Variants in CCSER1 observed in about 807,000 individuals in gnomAD.
CCSER1 encodes coiled-coil serine rich protein 1.
Under a neutral mutation model 82.0 loss-of-function variants are expected in CCSER1, and 41 were observed. The ratio of observed to expected loss-of-function variants is 0.50; its 90% CI spans 0.39 to 0.65. CCSER1 has a LOEUF of 0.65. Ranked by LOEUF, CCSER1 falls within the 30% of genes least tolerant of loss-of-function variation. The probability of loss-of-function intolerance (pLI) is 0.00; values close to 1 mark genes in which losing one functional copy is unlikely to be tolerated. For synonymous variants in CCSER1, 414 were observed against 383.9 expected (o/e 1.08, Z -0.92); for missense variants, 1,119 against 1,064.2 (o/e 1.05, Z -0.72).
intron 8 of CCSER1, among the ~76,000 whole-genome samples, chr4:90,880,140 G>A (rs932482127): frequency 2.0e-5 from 3 of 152,266 alleles, no homozygotes; most frequent in African/African-American, 2.4e-5. Flanking sequence ...CTCTCTGAAA[G>A]TGTGGGTTCC....
intron 1 of CCSER1, among the ~76,000 whole-genome samples, chr4:90,168,119 T>C (rs1222144478): frequency 3.9e-5 from 6 of 152,146 alleles, no homozygotes; most frequent in Admixed American, 6.6e-5. Context: ...TATTTCTCCA[T>C]ATCCTTTCCA....
At chr4:90,758,058 C>A (rs1282745523) in intron 7 of CCSER1, among the ~76,000 whole-genome samples, 7 of 152,100 alleles carry the variant, frequency 4.6e-5, no homozygotes, top group African/African-American at 1.4e-4. Context: ...CCTGCCTCAG[C>A]CTCCCGAGTA....
intron 5 of CCSER1, among the ~76,000 whole-genome samples, chr4:90,615,619 C>A (rs1458423418): frequency 1.3e-5 from 2 of 151,582 alleles, no homozygotes; most frequent in South Asian, 2.1e-4. Context: ...GAATATGTAA[C>A]TGAATTGCTG....
At chr4:91,020,378 C>T (rs1040378268) in intron 9 of CCSER1, among the ~76,000 whole-genome samples, 2 of 152,066 alleles carry the variant, frequency 1.3e-5, no homozygotes, top group Non-Finnish European at 2.9e-5. Context: ...AAGTACATAC[C>T]TTGGCCGGGT....
At chr4:90,321,493 C>CGAA (rs1737151169) in intron 3 of CCSER1, among the ~76,000 whole-genome samples, 36 of 152,070 alleles carry the variant, frequency 2.4e-4, no homozygotes, top group Admixed American at 2.4e-3. Context: ...ATTGCATGTC[C>CGAA]TGGCTATTGT....
At chr4:90,152,823 A>G (rs2153352929) in intron 1 of CCSER1, among the ~76,000 whole-genome samples, 1 of 151,638 alleles carries the variant, frequency 6.6e-6, no homozygotes, top group East Asian at 1.9e-4. Flanking sequence ...GCAGTAGACC[A>G]GCATGCTCAG....
At chr4:90,151,311 G>A (rs995851296) in intron 1 of CCSER1, among the ~76,000 whole-genome samples, 2 of 151,940 alleles carry the variant, frequency 1.3e-5, no homozygotes, top group Admixed American at 6.6e-5. Flanking sequence ...TGAACATAAT[G>A]ATATATGGTT....
chr4:90,450,595 C>T (rs1278285330), intron 4 of CCSER1, among the ~76,000 whole-genome samples: 4 of 152,182 alleles, frequency 2.6e-5, no homozygotes, highest in African/African-American at 4.8e-5. Context: ...TTCGGGTGCT[C>T]TCTTGGGTCA....
chr4:91,391,491 G>A (rs138754281), intron 10 of CCSER1, among the ~76,000 whole-genome samples: 2 of 152,070 alleles, frequency 1.3e-5, no homozygotes, highest in Non-Finnish European at 2.9e-5. Context: ...TGTACAGATG[G>A]TGTGTCCCTA....
At chr4:91,143,143 T>C (rs983981469) in intron 10 of CCSER1, among the ~76,000 whole-genome samples, 2 of 152,170 alleles carry the variant, frequency 1.3e-5, no homozygotes, top group Admixed American at 6.5e-5. Flanking sequence ...GTTTATGTCA[T>C]CACTGATCTC....
At chr4:91,520,865 T>C (rs1208624959) in intron 10 of CCSER1, among the ~76,000 whole-genome samples, 1 of 152,206 alleles carries the variant, frequency 6.6e-6, no homozygotes, top group Admixed American at 6.5e-5. Flanking sequence ...AATACTGCTC[T>C]AAGTTCATTT....
intron 8 of CCSER1, among the ~76,000 whole-genome samples, chr4:90,919,312 T>C (rs532041557): frequency 6.6e-6 from 1 of 152,016 alleles, no homozygotes; most frequent in Admixed American, 6.6e-5. Context: ...GATACTGTAC[T>C]AGGGTCTAGA....
intron 9 of CCSER1, among the ~76,000 whole-genome samples, chr4:91,016,701 C>T (rs1388803411): frequency 2.0e-5 from 3 of 152,052 alleles, no homozygotes; most frequent in African/African-American, 7.2e-5. Flanking sequence ...AATTTCTGCT[C>T]AAATACATAA....
At chr4:91,243,515 T>C (rs1455059715) in intron 10 of CCSER1, among the ~76,000 whole-genome samples, 2 of 152,180 alleles carry the variant, frequency 1.3e-5, no homozygotes, top group African/African-American at 4.8e-5. Context: ...TCATTCCTTC[T>C]GATTAAGGAG....
At chr4:90,326,746 G>T (rs528375427) in intron 3 of CCSER1, among the ~76,000 whole-genome samples, 30 of 152,214 alleles carry the variant, frequency 2.0e-4, no homozygotes, top group African/African-American at 7.2e-4. Flanking sequence ...GGTGCAGTAG[G>T]GGGTGGTCTG....
intron 10 of CCSER1, among the ~76,000 whole-genome samples, chr4:91,455,326 C>A (rs1756095808): frequency 6.6e-6 from 1 of 152,028 alleles, no homozygotes; most frequent in Non-Finnish European, 1.5e-5. Context: ...CTCAAAAATT[C>A]ATATTTTTGG....
chr4:91,233,535 T>A (rs1253771238), intron 10 of CCSER1, among the ~76,000 whole-genome samples: 1 of 151,948 alleles, frequency 6.6e-6, no homozygotes, highest in Non-Finnish European at 1.5e-5. Context: ...ATTAGGTCAT[T>A]AACAAGATAA....
intron 1 of CCSER1, among the ~76,000 whole-genome samples, chr4:90,128,494 CGT>C (rs147426828): frequency 0.27 from 39,758 of 149,918 alleles, 6,452 homozygotes; most frequent in East Asian, 0.62. Flanking sequence ...AGGTTGTGTG[CGT>C]GTGTGTGTGT....
chr4:90,535,750 C>T (rs1775238461), intron 5 of CCSER1, among the ~76,000 whole-genome samples: 2 of 151,812 alleles, frequency 1.3e-5, no homozygotes, highest in Non-Finnish European at 2.9e-5. Context: ...TGTGAAGAGT[C>T]ACAGATGACA....
Sources: gnomAD v4.1 joint callset for allele counts (sites outside exome capture counted in the v4.1 genomes callset) on GRCh38, gnomAD v4.1.1 for gene constraint, MANE v1.5 for transcripts, NCBI Gene and HGNC (gene_info 2026-07-23, HGNC 2026-07-21) for gene names.